The following TMEM232 variants were observed in gnomAD, a reference collection of about 807,000 sequenced individuals.
TMEM232 encodes transmembrane protein 232.
Under a neutral mutation model 78.8 loss-of-function variants are expected in TMEM232, and 80 were observed. The ratio of observed to expected loss-of-function variants is 1.01; its 90% CI spans 0.85 to 1.22. The LOEUF (loss-of-function observed/expected upper bound fraction) is 1.22. Ranked by LOEUF, TMEM232 falls within the 50% of genes most tolerant of loss-of-function variation. TMEM232 has a pLI of 0.00. For missense variants in TMEM232, 881 were observed against 742.2 expected, an observed-to-expected ratio of 1.19 and a Z score of -2.17; for synonymous variants, 297 against 254.3, an observed-to-expected ratio of 1.17 and a Z score of -1.60.
At chr5:110,674,179 C>T (rs910523713) in intron 1 of TMEM232, among the ~76,000 whole-genome samples, 2 of 152,098 alleles carry the variant, frequency 1.3e-5, no homozygotes, top group African/African-American at 4.8e-5. Context: ...AGTAAAAATT[C>T]ATCATTTTAT....
chr5:110,709,982 C>T (rs1047953346), intron 1 of TMEM232, among the ~76,000 whole-genome samples: 4 of 151,654 alleles, frequency 2.6e-5, no homozygotes, highest in African/African-American at 7.3e-5. Context: ...ACCATGAAAG[C>T]CAGTTTTTTG....
At chr5:110,702,292 T>C (rs1795510516) in intron 1 of TMEM232, among the ~76,000 whole-genome samples, 1 of 152,038 alleles carries the variant, frequency 6.6e-6, no homozygotes, top group Non-Finnish European at 1.5e-5. Context: ...GAGGACAGTA[T>C]AGTCCTATTT....
intron 12 of TMEM232, among the ~76,000 whole-genome samples, chr5:110,474,005 T>C (rs996085249): frequency 1.6e-5 from 2 of 125,324 alleles, no homozygotes; most frequent in Admixed American, 8.9e-5. Flanking sequence ...TAGAGAGAAA[T>C]GGGGAGAGGT....
intron 12 of TMEM232, among the ~76,000 whole-genome samples, chr5:110,441,618 G>A (rs532458489): frequency 3.3e-5 from 5 of 152,168 alleles, no homozygotes; most frequent in East Asian, 1.9e-4. Context: ...ATGATATAGC[G>A]TTTCTATAAT....
In TMEM232 at chr5:110,441,395, A is replaced by G. The variant is rs144252808; in HGVS notation, c.1704-16479T>C. Among the ~76,000 whole-genome samples the G allele has an allele frequency of 8.7e-4, 132 of 152,246 alleles. No individual in the cohort carries two copies. In the East Asian group the frequency reaches 0.023, roughly 26 times the overall value. ...CACATGAAATGTTATATGATTGCTA[A>G]TGTTCTCTGTCTCAGGAAGTTTCAA... On this transcript the variant is annotated intron_variant, in intron 12 of 13. Coordinates refer to ENST00000455884, the MANE Select transcript of TMEM232 (RefSeq NM_001039763.4).
intron 1 of TMEM232, among the ~76,000 whole-genome samples, chr5:110,670,845 C>A (rs1791260277): frequency 6.6e-6 from 1 of 151,922 alleles, no homozygotes; most frequent in Non-Finnish European, 1.5e-5. Context: ...TAAGGTACAG[C>A]TAAGCACATG....
Position 110,528,648 on chromosome 5 carries a change from G to A in TMEM232, c.1643C>T (p.Thr548Ile). The change falls in exon 12 of 14, where the codon ACA (threonine) becomes ATA (isoleucine). Residue 548 changes from threonine to isoleucine, a missense_variant. Physicochemically the swap from Thr to Ile is moderately conservative, Grantham distance 89. Transcript: ENST00000455884. ...CTCCAGCTTTTTATTTGGATATTTT[G>A]TTTGATCCTTTTTTATTGATGGTTT... ...LKKPSIKKDQ[T>I]KYPNKKLESV... 18 of 1,533,786 alleles carry A rather than the reference G, an allele frequency of 1.2e-5. No individual in the cohort carries two copies. The highest frequency in any genetic ancestry group is 1.5e-5 in the Non-Finnish European group (17 of 1,145,684).
intron 11 of TMEM232, among the ~76,000 whole-genome samples, chr5:110,536,773 G>C (rs1414708633): frequency 6.6e-6 from 1 of 152,194 alleles, no homozygotes; most frequent in East Asian, 1.9e-4. Flanking sequence ...GAGGGTCTGG[G>C]AATGTTGTAG....
At chr5:110,565,153 T>C (rs1234898100) in intron 11 of TMEM232, among the ~76,000 whole-genome samples, 1 of 152,028 alleles carries the variant, frequency 6.6e-6, no homozygotes, top group Non-Finnish European at 1.5e-5. Flanking sequence ...GTTCTCCTCT[T>C]ATAGTTCTAA....
intron 10 of TMEM232, among the ~76,000 whole-genome samples, chr5:110,574,917 G>A (rs1777398903): frequency 6.6e-6 from 1 of 151,994 alleles, no homozygotes; most frequent in Non-Finnish European, 1.5e-5. Flanking sequence ...TCAAACATGA[G>A]TGATGTCTTA....
chr5:110,406,172 T>G (rs1285793210), intron 2 of TMEM232, among the ~76,000 whole-genome samples: 2 of 151,824 alleles, frequency 1.3e-5, no homozygotes, highest in Non-Finnish European at 2.9e-5. Context: ...CATACATATC[T>G]GAGGTAGCTA....
At chr5:110,617,526 C>A (rs1335124980) in intron 8 of TMEM232, among the ~76,000 whole-genome samples, 2 of 152,058 alleles carry the variant, frequency 1.3e-5, no homozygotes, top group Non-Finnish European at 2.9e-5. Flanking sequence ...TATCATTATA[C>A]CCCATAAATA....
At chr5:110,597,318 A>G (rs185925847) in intron 10 of TMEM232, among the ~76,000 whole-genome samples, 5,206 of 152,226 alleles carry the variant, frequency 0.034, 126 homozygotes, top group African/African-American at 0.064. Flanking sequence ...GACGTGAAGG[A>G]CCTCTTCAAG....
At chr5:110,498,932 C>G (rs73784773) in intron 12 of TMEM232, among the ~76,000 whole-genome samples, 4,377 of 152,182 alleles carry the variant, frequency 0.029, 70 homozygotes, top group African/African-American at 0.046. Flanking sequence ...TAACTCTTCA[C>G]GGAGTTACTG....
rs145624546 is a variant in TMEM232 at position 110,488,539 on chromosome 5, A to G, written c.1703+40049T>C. 1.9e-3 allele frequency among the ~76,000 whole-genome samples: 290 copies of G among 152,248 alleles called. 4 individuals carry two copies. The highest frequency in any genetic ancestry group is 0.012 in the South Asian group (60 of 4,826). On this transcript the variant is annotated intron_variant, in intron 12 of 13. Transcript: ENST00000455884. ...AAATACTTTGAAATAAATTGAAATT[A>G]AAACACAACAGACCAGAATTTTAGT...
intron 12 of TMEM232, among the ~76,000 whole-genome samples, chr5:110,502,454 T>A (rs1766372558): frequency 6.6e-6 from 1 of 152,220 alleles, no homozygotes; most frequent in Non-Finnish European, 1.5e-5. Flanking sequence ...CAGTTTTAAA[T>A]CTTGAAGGGG....
intron 12 of TMEM232, among the ~76,000 whole-genome samples, chr5:110,458,429 T>A (rs1345524417): frequency 1.3e-5 from 2 of 152,204 alleles, no homozygotes; most frequent in African/African-American, 2.4e-5. Flanking sequence ...GGGATTTCTA[T>A]CTGTGTTCTC....
intron 3 of TMEM232, among the ~76,000 whole-genome samples, chr5:110,392,509 G>T (rs573309972): frequency 6.6e-6 from 1 of 152,174 alleles, no homozygotes; most frequent in African/African-American, 2.4e-5. Context: ...CACAGTAATG[G>T]AGACTGAGAA....
At chr5:110,521,948 T>C (rs1048181283) in intron 12 of TMEM232, among the ~76,000 whole-genome samples, 11 of 152,202 alleles carry the variant, frequency 7.2e-5, no homozygotes, top group Admixed American at 3.3e-4. Context: ...TCACAATCTT[T>C]TGTGTTCCCA....
Sources: allele counts gnomAD v4.1 joint callset (sites outside exome capture counted in the v4.1 genomes callset), GRCh38; gene constraint gnomAD v4.1.1; transcripts MANE v1.5; gene names NCBI Gene and HGNC (gene_info 2026-07-23, HGNC 2026-07-21).